Variants in FBLN5 observed in about 807,000 individuals in gnomAD.
FBLN5 encodes fibulin 5, also known as fibulin-5.
Under a neutral mutation model 61.6 loss-of-function variants are expected in FBLN5, and 24 were observed. That is an observed-to-expected ratio of 0.39 (90% CI 0.28 to 0.55). FBLN5 has a LOEUF of 0.55. FBLN5 is among the 20% of genes least tolerant of loss of function. FBLN5 has a pLI of 0.65. For missense variants in FBLN5, 470 were observed against 594.1 expected, an observed-to-expected ratio of 0.79 and a Z score of 2.17; for synonymous variants, 213 against 219.8, an observed-to-expected ratio of 0.97 and a Z score of 0.27.
Position 91,937,046 on chromosome 14 carries a change from C to T in FBLN5, c.280G>A (p.Ala94Thr), listed in dbSNP as rs747352021. The change falls in exon 4 of 11, where the codon GCA (alanine) becomes ACA (threonine). Residue 94 changes from alanine to threonine, a missense_variant. By Grantham distance (58) the Ala-to-Thr change is moderately conservative. Transcript: ENST00000342058. ...GGAGCTGAGAGTGGTGGGGCAGCTG[C>T]TGGGTACGGACCTGAGTAGGGGGTC... ...YSTPYSGPYP[A>T]AAPPLSAPNY... The T allele has an allele frequency of 1.2e-6, 2 of 1,613,812 alleles. No individual in the cohort carries two copies.
chr14:91,904,597 G>A (rs759751350), intron 4 of FBLN5, among the ~76,000 whole-genome samples: 22 of 152,336 alleles, frequency 1.4e-4, no homozygotes, highest in Middle Eastern at 3.4e-3. Context: ...CCCAGTTCTC[G>A]AGGCTGGAAG....
Position 91,881,410 on chromosome 14 carries a change from C to G in FBLN5, c.871G>C (p.Glu291Gln), listed in dbSNP as rs770416243. The G allele has an allele frequency of 6.2e-7, 1 of 1,614,116 alleles. No individual in the cohort carries two copies. The highest frequency in any genetic ancestry group is 1.7e-5 in the Admixed American group (1 of 60,012). ...DDNRSCQDIN[E>Q]CEHRNHTCNL... is the part of the protein sequence containing the mutation. ...CACGTGTGGTTCCTGTGCTCACATT[C>G]GTTGATGTCTGAAATGCAGGGGAGA... Residue 291 changes from glutamate to glutamine, a missense_variant, in exon 9 of 11, where the codon GAA (glutamate) becomes CAA (glutamine). Glu to Gln is a conservative substitution (Grantham distance 29, BLOSUM62 2). Coordinates refer to ENST00000342058, the MANE Select transcript of FBLN5 (RefSeq NM_006329.4).
intron 4 of FBLN5, among the ~76,000 whole-genome samples, chr14:91,922,162 A>C (rs1345779963): frequency 6.6e-6 from 1 of 151,966 alleles, no homozygotes; most frequent in Non-Finnish European, 1.5e-5. Context: ...GCCTGGTGGC[A>C]GGTGCCTGTA....
rs566928528 is a variant in FBLN5, at chr14:91,881,416, T to C, written c.865A>G (p.Ile289Val). 5.6e-6 allele frequency: 9 copies of C among 1,614,200 alleles called. No individual in the cohort carries two copies. In the African/African-American group the frequency reaches 1.1e-4, roughly 19 times the overall value. The part of the protein sequence containing the change: ...LLDDNRSCQD[I>V]NECEHRNHTC... ...TGGTTCCTGTGCTCACATTCGTTGATGTCTGAAATGCAGGGGAGACAAGAA... is the reference window on the plus strand; with the variant it reads ...TGGTTCCTGTGCTCACATTCGTTGACGTCTGAAATGCAGGGGAGACAAGAA... Residue 289 changes from isoleucine (I) to valine (V), a missense_variant and splice_region_variant, in exon 9 of 11, where the codon ATC becomes GTC. By Grantham distance (29) the Ile-to-Val change is conservative. Coordinates refer to ENST00000342058, the MANE Select transcript of FBLN5 (RefSeq NM_006329.4).
intron 10 of FBLN5, among the ~76,000 whole-genome samples, chr14:91,875,016 G>A (rs947980645): frequency 2.0e-5 from 3 of 151,990 alleles, no homozygotes; most frequent in Admixed American, 6.5e-5. Context: ...TTTTTGTAGA[G>A]ACAGGGTCTC....
intron 4 of FBLN5, among the ~76,000 whole-genome samples, chr14:91,928,175 C>T (rs776902455): frequency 5.9e-5 from 9 of 152,180 alleles, no homozygotes; most frequent in Non-Finnish European, 8.8e-5. Flanking sequence ...TTAAAACACA[C>T]GCAACAGAGA....
rs548351890 is a variant in FBLN5, at chr14:91,870,103, G to T, written c.*121C>A. The T allele has an allele frequency of 1.9e-6, 2 of 1,071,904 alleles. No individual in the cohort carries two copies. The highest frequency in any genetic ancestry group is 2.5e-5 in the East Asian group (1 of 40,062). The allele number at this position is 1,071,904 out of a possible 1,614,324, so 66.4% of individuals were successfully genotyped here. ...GTCAGGAAGTCGGGGCTGACTCTTCGGGGAAACGTTCAGCAGGAAATGCCT... is the reference window on the plus strand; with the variant it reads ...GTCAGGAAGTCGGGGCTGACTCTTCTGGGAAACGTTCAGCAGGAAATGCCT... On this transcript the variant is annotated 3_prime_UTR_variant, in exon 11 of 11. Coordinates refer to ENST00000342058, the MANE Select transcript of FBLN5 (RefSeq NM_006329.4).
At chr14:91,936,533 C>T (rs751343990) in intron 4 of FBLN5, among the ~76,000 whole-genome samples, 2 of 152,122 alleles carry the variant, frequency 1.3e-5, no homozygotes, top group East Asian at 1.9e-4. Context: ...ATCAAGGGTG[C>T]GGGGGCTGAG....
At chr14:91,892,842 G>C (rs1890050212) in intron 5 of FBLN5, among the ~76,000 whole-genome samples, 1 of 152,240 alleles carries the variant, frequency 6.6e-6, no homozygotes, top group Non-Finnish European at 1.5e-5. Context: ...AAAGGGAAAG[G>C]TGAGTTTAGC....
intron 7 of FBLN5, among the ~76,000 whole-genome samples, chr14:91,885,429 C>G (rs1297874232): frequency 6.6e-6 from 1 of 152,126 alleles, no homozygotes; most frequent in African/African-American, 2.4e-5. Flanking sequence ...GAGAAAAGTC[C>G]AGAGTGTTGT....
chr14:91,885,120 T>C (rs573883063), intron 7 of FBLN5, among the ~76,000 whole-genome samples: 12 of 151,938 alleles, frequency 7.9e-5, no homozygotes, highest in African/African-American at 2.7e-4. Flanking sequence ...CAGAAAGGGG[T>C]TAAGTAGGAA....
rs1194506514 is a variant in FBLN5 at position 91,922,849 on chromosome 14, A to T, written c.379+14098T>A. Among the ~76,000 whole-genome samples, 3 of 152,110 alleles carry T rather than the reference A, an allele frequency of 2.0e-5. No homozygotes were observed. The East Asian group carries it at 5.8e-4, about 29-fold the overall frequency. On this transcript the variant is annotated intron_variant, in intron 4 of 10. Transcript: ENST00000342058. ...GGCCCTATCATCACAGTGAGAGCCA[A>T]TTTCATCCATCCACTGATGCCCCTT...
Position 91,882,840 on chromosome 14 carries a change from C to T in FBLN5, c.862+114G>A. ...CCAGCACCCACTCACACCCCCACCCCTGCCACCTTCCCAAAGCTGCACATG... is the reference window on the plus strand; with the variant it reads ...CCAGCACCCACTCACACCCCCACCCTTGCCACCTTCCCAAAGCTGCACATG... On this transcript the variant is annotated intron_variant, in intron 8 of 10. Coordinates refer to ENST00000342058, the MANE Select transcript of FBLN5 (RefSeq NM_006329.4). This position sits in a 1 kb window ranked among gnomAD's most constrained non-coding sequence, Gnocchi z 4.9. The T allele has an allele frequency of 6.2e-6, 8 of 1,282,184 alleles. No homozygotes were observed. The highest frequency in any genetic ancestry group is 7.7e-6 in the Non-Finnish European group (7 of 908,748). 79.4% of individuals were successfully genotyped at this position (1,282,184 alleles called of 1,614,324 possible). A position where few individuals can be genotyped will look rare whatever the true frequency, so the allele number is the denominator to read the frequency against.
At chr14:91,938,682 T>A (rs575078824) in intron 3 of FBLN5, among the ~76,000 whole-genome samples, 1 of 152,184 alleles carries the variant, frequency 6.6e-6, no homozygotes, top group East Asian at 1.9e-4. Context: ...GAACTGTGGC[T>A]CCAGCGAGCA....
At chr14:91,924,574 C>T (rs565430257) in intron 4 of FBLN5, among the ~76,000 whole-genome samples, 56 of 151,912 alleles carry the variant, frequency 3.7e-4, no homozygotes, top group African/African-American at 1.2e-3. Context: ...CCCAGCTACT[C>T]GGGAGGCTGA....
Position 91,877,900 on chromosome 14 carries a change from T to C in FBLN5, c.990-218A>G, listed in dbSNP as rs2430342. The C allele has an allele frequency of 0.37, 237,240 of 646,662 alleles. 44,637 individuals are homozygous for C. Among genetic ancestry groups the C allele is most frequent in the African/African-American group, 0.48 (26,949 of 55,666 alleles). 40.1% of individuals were successfully genotyped at this position (646,662 alleles called of 1,614,324 possible). A position where few individuals can be genotyped will look rare whatever the true frequency, so the allele number is the denominator to read the frequency against. ...GAATGGACTTTTCTCACCAACCAGA[T>C]GTTCTGGCTACTAAATAGAATACAA... On this transcript the variant is annotated intron_variant, in intron 9 of 10. Coordinates refer to ENST00000342058, the MANE Select transcript of FBLN5 (RefSeq NM_006329.4).
intron 4 of FBLN5, among the ~76,000 whole-genome samples, chr14:91,918,437 T>G (rs1595333509): frequency 6.6e-6 from 1 of 152,192 alleles, no homozygotes; most frequent in East Asian, 1.9e-4. Flanking sequence ...TCCATAGAGC[T>G]GAGCCAAAAG....
intron 1 of FBLN5, among the ~76,000 whole-genome samples, chr14:91,946,518 GCACACACA>G (rs34059355): frequency 1.3e-5 from 2 of 149,480 alleles, no homozygotes; most frequent in Non-Finnish European, 3.0e-5. Context: ...TTAGTTTTCA[GCACACACA>G]CACACACACA....
intron 9 of FBLN5, among the ~76,000 whole-genome samples, chr14:91,880,526 CGTGTGTGTGTGTGTGT>C (rs140201135): frequency 2.7e-5 from 4 of 147,454 alleles, no homozygotes; most frequent in Admixed American, 6.7e-5. Context: ...AGTGTGCGTG[CGTGTGTGTGTGTGTGT>C]GTGTGTGTGT....
Sources: allele counts gnomAD v4.1 joint callset (sites outside exome capture counted in the v4.1 genomes callset), GRCh38; gene constraint gnomAD v4.1.1; non-coding constraint Gnocchi (gnomAD v3.1); transcripts MANE v1.5; gene names NCBI Gene and HGNC (gene_info 2026-07-23, HGNC 2026-07-21).